The following TRPC6 variants were observed in gnomAD, a reference collection of about 807,000 sequenced individuals.
TRPC6 encodes short transient receptor potential channel 6.
In TRPC6, 55 loss-of-function variants were observed where a neutral mutation model predicts 90.7. The ratio of observed to expected loss-of-function variants is 0.61; its 90% CI spans 0.49 to 0.76. The LOEUF (loss-of-function observed/expected upper bound fraction) is 0.76, where lower values mean the gene tolerates loss of function less well. TRPC6 is among the 30% of genes least tolerant of loss of function. The probability of loss-of-function intolerance (pLI) is 0.00; values close to 1 mark genes in which losing one functional copy is unlikely to be tolerated. For synonymous variants in TRPC6, 393 were observed against 393.0 expected, an observed-to-expected ratio of 1.00 and a Z score of 0.00; for missense variants, 989 against 1,122.7, an observed-to-expected ratio of 0.88 and a Z score of 1.70.
intron 2 of TRPC6, among the ~76,000 whole-genome samples, chr11:101,502,660 G>A (rs547350076): frequency 5.9e-5 from 9 of 152,162 alleles, no homozygotes; most frequent in Admixed American, 2.0e-4. Context: ...GGAGTCAAGC[G>A]AAAAGTAGGT....
At chr11:101,577,855 G>GAGC (rs1232564138) in intron 1 of TRPC6, among the ~76,000 whole-genome samples, 1 of 152,170 alleles carries the variant, frequency 6.6e-6, no homozygotes, top group Non-Finnish European at 1.5e-5. Flanking sequence ...TAAAAGAAGA[G>GAGC]TAGTATGCTG....
chr11:101,520,111 T>C (rs2136775720), intron 1 of TRPC6, among the ~76,000 whole-genome samples: 1 of 152,224 alleles, frequency 6.6e-6, no homozygotes. Context: ...TGTTGAATTG[T>C]AATCCCCAGT....
intron 1 of TRPC6, among the ~76,000 whole-genome samples, chr11:101,518,627 T>G (rs1052158867): frequency 6.6e-6 from 1 of 152,218 alleles, no homozygotes; most frequent in African/African-American, 2.4e-5. Flanking sequence ...AAGAATAGTT[T>G]GGAGGTTCCT....
At chr11:101,550,205 C>A (rs1279573065) in intron 1 of TRPC6, among the ~76,000 whole-genome samples, 1 of 151,456 alleles carries the variant, frequency 6.6e-6, no homozygotes, top group Non-Finnish European at 1.5e-5. Context: ...ATTACAAAAT[C>A]ATCATGTAAT....
intron 4 of TRPC6, 120 bp downstream of exon 4, chr11:101,488,817 C>A: frequency 1.8e-6 from 2 of 1,092,180 alleles, no homozygotes; most frequent in South Asian, 1.4e-5. Flanking sequence ...ATGTTAAAAA[C>A]AATAAAGATT....
chr11:101,497,494 G>A (rs940406527), intron 2 of TRPC6, among the ~76,000 whole-genome samples: 5 of 152,088 alleles, frequency 3.3e-5, no homozygotes, highest in African/African-American at 1.2e-4. Flanking sequence ...CATAGCAACG[G>A]TCTAAAAACA....
intron 5 of TRPC6, among the ~76,000 whole-genome samples, 159 bp from the exon 6 acceptor site, chr11:101,476,693 T>A (rs900875857): frequency 6.6e-6 from 1 of 152,162 alleles, no homozygotes; most frequent in Non-Finnish European, 1.5e-5. Context: ...TCCTCACAAA[T>A]ATCCTAGTCC....
intron 1 of TRPC6, among the ~76,000 whole-genome samples, chr11:101,532,423 A>T (rs1326363179): frequency 1.3e-5 from 2 of 152,186 alleles, no homozygotes; most frequent in Non-Finnish European, 2.9e-5. Flanking sequence ...TTTGAGATAG[A>T]TCTTATTCTT....
intron 5 of TRPC6, among the ~76,000 whole-genome samples, chr11:101,478,582 T>TATTC (rs1859469419): frequency 1.3e-5 from 2 of 152,138 alleles, no homozygotes; most frequent in Admixed American, 1.3e-4. Flanking sequence ...ACAAGTGAGC[T>TATTC]ATTCTGCTTG....
chr11:101,457,013 A>G (rs1162004701), intron 10 of TRPC6, among the ~76,000 whole-genome samples: 1 of 152,172 alleles, frequency 6.6e-6, no homozygotes, highest in African/African-American at 2.4e-5. Context: ...AGAAAATCCT[A>G]ATATATAATT....
chr11:101,504,271 T>G lies in TRPC6; in HGVS notation c.698A>C (p.Glu233Ala). Reference protein sequence around the residue: ...IILAAHCQEYEIVHTLLRKGA... With the variant: ...IILAAHCQEYAIVHTLLRKGA... ...CTTCCGCAGGAGGGTATGCACAATT[T>G]CATATTCCTGGCAGTGGGCAGCCAG... Residue 233 changes from glutamate (E) to alanine (A), a missense_variant, in exon 2 of 13, where the codon GAA becomes GCA. Glu to Ala is a moderately radical substitution (Grantham distance 107, BLOSUM62 -1). Transcript: ENST00000344327. 1 of 1,613,224 alleles carries G rather than the reference T, an allele frequency of 6.2e-7. No individual in the cohort carries two copies. Among genetic ancestry groups the G allele is most frequent in the Non-Finnish European group, 8.5e-7 (1 of 1,179,224 alleles).
At chr11:101,468,732 A>AATGAGAC (rs937699321) in intron 10 of TRPC6, among the ~76,000 whole-genome samples, 1 of 152,230 alleles carries the variant, frequency 6.6e-6, no homozygotes, top group Admixed American at 6.5e-5. Context: ...TGGGGAGTTA[A>AATGAGAC]ATGAGACAGG....
chr11:101,518,568 A>T (rs1377952041), intron 1 of TRPC6, among the ~76,000 whole-genome samples: 1 of 152,230 alleles, frequency 6.6e-6, no homozygotes, highest in Non-Finnish European at 1.5e-5. Context: ...GGATGTGAAG[A>T]AAAGGAAACC....
intron 1 of TRPC6, among the ~76,000 whole-genome samples, chr11:101,524,169 G>A (rs564781081): frequency 2.8e-4 from 42 of 152,170 alleles, no homozygotes; most frequent in Non-Finnish European, 2.9e-4. Context: ...TCAAATTTGG[G>A]ATTATAGGTT....
chr11:101,532,921 T>C (rs1215539066), intron 1 of TRPC6, among the ~76,000 whole-genome samples: 2 of 152,108 alleles, frequency 1.3e-5, no homozygotes, highest in East Asian at 1.9e-4. Flanking sequence ...CAAGGATTCA[T>C]TGCCAAGCCA....
At chr11:101,555,951 C>T (rs1299653472) in intron 1 of TRPC6, among the ~76,000 whole-genome samples, 3 of 152,046 alleles carry the variant, frequency 2.0e-5, no homozygotes, top group African/African-American at 7.2e-5. Context: ...GGATATTGAA[C>T]AGCATGCTCC....
intron 1 of TRPC6, among the ~76,000 whole-genome samples, chr11:101,558,229 GTA>G: frequency 9.2e-6 from 1 of 109,036 alleles, no homozygotes; most frequent in Non-Finnish European, 2.0e-5. Flanking sequence ...ATGTATACAT[GTA>G]TATGGGTATA....
At chr11:101,469,277 T>C (rs1458501012) in intron 10 of TRPC6, 150 bp downstream of exon 10, 3 of 629,956 alleles carry the variant, frequency 4.8e-6, no homozygotes, top group Non-Finnish European at 5.7e-6. Context: ...TACCTCTCAA[T>C]AACAGAATTG....
intron 1 of TRPC6, among the ~76,000 whole-genome samples, chr11:101,567,419 G>A (rs1310505421): frequency 2.6e-5 from 4 of 152,128 alleles, no homozygotes; most frequent in African/African-American, 9.7e-5. Flanking sequence ...TCTGGGGGAA[G>A]GGGTGGTTGT....
Sources: allele counts gnomAD v4.1 joint callset (sites outside exome capture counted in the v4.1 genomes callset), GRCh38; gene constraint gnomAD v4.1.1; transcripts MANE v1.5; gene names NCBI Gene and HGNC (gene_info 2026-07-23, HGNC 2026-07-21).